PER2: variants seen among roughly 807,000 people sequenced by gnomAD.
PER2 encodes the protein period circadian protein homolog 2.
A neutral mutation model predicts 121.0 loss-of-function variants in PER2; 66 were observed. The observed-to-expected ratio is 0.55, with a 90% CI of 0.45 to 0.67. PER2 has a LOEUF of 0.67. PER2 is among the 30% of genes least tolerant of loss of function. The probability of loss-of-function intolerance (pLI) is 0.00; values close to 1 mark genes in which losing one functional copy is unlikely to be tolerated. For synonymous variants in PER2, 684 were observed against 659.9 expected, an observed-to-expected ratio of 1.04 and a Z score of -0.56; for missense variants, 1,521 against 1,635.0, an observed-to-expected ratio of 0.93 and a Z score of 1.20.
chr2:238,276,740 C>T (rs1696466586), intron 3 of PER2, among the ~76,000 whole-genome samples: 1 of 152,122 alleles, frequency 6.6e-6, no homozygotes, highest in African/African-American at 2.4e-5. Context: ...GTTTCTCAGG[C>T]AATGCAAAGT....
chr2:238,251,648 C>T lies in PER2; in HGVS notation c.3225G>A (p.Glu1075=), dbSNP rs1301193813. 6.2e-7 allele frequency: 1 copy of T among 1,614,248 alleles called. No individual in the cohort carries two copies. Among genetic ancestry groups the T allele is most frequent in the Non-Finnish European group, 8.5e-7 (1 of 1,180,044 alleles). The change falls in exon 20 of 23, where the codon GAG becomes GAA. Residue 1075 remains glutamate (E), a synonymous_variant. Transcript: ENST00000254657. The stretch of plus-strand genomic sequence containing the variant: ...AGCCCAGTGAGCCGGAGCCCAGAGA[C>T]TCCGAAGCAGCAGAGCCCGAGGCTG... ...LCSASGSAAS[E]SLGSGSLGCD...
the PER2 span, chr2:238,299,592 A>G: frequency 6.6e-6 from 1 of 151,600 alleles, no homozygotes; most frequent in Non-Finnish European, 1.5e-5. Flanking sequence ...TAAGGGTTGA[A>G]GGCTACAAAC....
chr2:238,263,143 G>A (rs778120272), intron 9 of PER2, 85 bp from the exon 10 acceptor site: 240 of 861,912 alleles, frequency 2.8e-4, no homozygotes, highest in Non-Finnish European at 4.3e-4. Context: ...TCCCTGGAAA[G>A]AGAAGATACA....
At chr2:238,275,613 C>A in intron 4 of PER2, 130 bp downstream of exon 4, 1 of 1,017,416 alleles carries the variant, frequency 9.8e-7, no homozygotes, top group Non-Finnish European at 1.5e-6. Flanking sequence ...CGCTTAAGCC[C>A]AGAAGTCAAG....
chr2:238,252,979 G>A lies in PER2; in HGVS notation c.3044C>T (p.Thr1015Ile), dbSNP rs766845622. ...TTTGCAGTCCGCCCCTACAGCTGCT[G>A]TCTCTGTGGCCCCTGTGGTCCCCAT... is the stretch of plus-strand genomic sequence containing the variant. Reference protein sequence around the residue: ...GAMGTTGATETAAVGADCKPG... With the variant: ...GAMGTTGATEIAAVGADCKPG... The change falls in exon 19 of 23, where the codon ACA (threonine) becomes ATA (isoleucine). Residue 1015 changes from threonine to isoleucine, a missense_variant. By Grantham distance (89) the Thr-to-Ile change is moderately conservative. Coordinates refer to ENST00000254657, the MANE Select transcript of PER2 (RefSeq NM_022817.3). The surrounding 1 kb of genome is among the most constrained non-coding windows in gnomAD (Gnocchi z 4.2). 1 of 1,614,028 alleles carries A rather than the reference G, an allele frequency of 6.2e-7. No individual in the cohort carries two copies. The highest frequency in any genetic ancestry group is 8.5e-7 in the Non-Finnish European group (1 of 1,180,040).
intron 9 of PER2, among the ~76,000 whole-genome samples, chr2:238,265,162 G>A (rs1696054616): frequency 1.3e-5 from 2 of 152,212 alleles, no homozygotes; most frequent in South Asian, 4.1e-4. Flanking sequence ...CACACAGGCT[G>A]GAAGATAGAC....
chr2:238,285,163 C>G (rs1307035292), intron 1 of PER2, among the ~76,000 whole-genome samples: 1 of 152,274 alleles, frequency 6.6e-6, no homozygotes, highest in Non-Finnish European at 1.5e-5. Flanking sequence ...GCATGTCCGC[C>G]TACTGGCTCT....
At chr2:238,262,408 G>A in intron 10 of PER2, 64 bp from the exon 11 acceptor site, 1 of 1,529,212 alleles carries the variant, frequency 6.5e-7, no homozygotes, top group Non-Finnish European at 9.1e-7. Context: ...AGTAGAGAGA[G>A]ACAAGTCAAG....
chr2:238,291,719 C>T (rs75509863), upstream of PER2, among the ~76,000 whole-genome samples: 16,674 of 152,172 alleles, frequency 0.11, 1,210 homozygotes, highest in Admixed American at 0.17. Flanking sequence ...TACGGCTGAC[C>T]CCAGCTTGGC....
At chr2:238,288,913 C>T (rs1442440534), upstream of PER2, among the ~76,000 whole-genome samples, 3 of 152,310 alleles carry the variant, frequency 2.0e-5, no homozygotes, top group South Asian at 4.1e-4. Flanking sequence ...CCATTGGTGG[C>T]CGCGCCCGTC....
chr2:238,258,401 C>G lies in PER2; in HGVS notation c.1776-1G>C. 1.2e-6 allele frequency: 2 copies of G among 1,614,170 alleles called. No homozygotes were observed. The highest frequency in any genetic ancestry group is 1.7e-6 in the Non-Finnish European group (2 of 1,180,030). On this transcript the variant is annotated splice_acceptor_variant, in intron 15 of 22. Transcript: ENST00000254657. LOFTEE classifies it high-confidence loss of function. The stretch of plus-strand genomic sequence containing the variant: ...AGCCTCATTGCAGCTCTCCAAGTAC[C>G]TGTGTGAAAGGCATGAACCACTGGT...
chr2:238,289,905 G>A (rs1475854057), upstream of PER2: 1 of 152,286 alleles, frequency 6.6e-6, no homozygotes, highest in African/African-American at 2.4e-5. Context: ...TTACAGGACA[G>A]GAAGGAGCTT....
rs144381022 is a variant in PER2, at chr2:238,254,289, C to T, written c.2321-587G>A. 68 of 160,298 alleles carry T rather than the reference C, an allele frequency of 4.2e-4. No homozygotes were observed. The East Asian group carries it at 6.8e-3, about 16-fold the overall frequency. 9.9% of individuals were successfully genotyped at this position (160,298 alleles called of 1,614,324 possible). A position where few individuals can be genotyped will look rare whatever the true frequency, so the allele number is the denominator to read the frequency against. ...CATTCTTCAGGAAGATGGAGGGACT[C>T]AATTGGTAAAGGAGGGACTCTGGGT... On this transcript the variant is annotated intron_variant, in intron 18 of 22. Coordinates refer to ENST00000254657, the MANE Select transcript of PER2 (RefSeq NM_022817.3).
chr2:238,267,917 T>C, intron 8 of PER2, 139 bp downstream of exon 8: 2 of 901,632 alleles, frequency 2.2e-6, no homozygotes, highest in South Asian at 1.4e-5. Context: ...ATGGAGACCC[T>C]GCCCAAGGTG....
Position 238,268,616 on chromosome 2 carries a change from C to G in PER2, c.824+307G>C, listed in dbSNP as rs796302169. On this transcript the variant is annotated intron_variant, in intron 7 of 22. Transcript: ENST00000254657. The surrounding 1 kb of genome is among the most constrained non-coding windows in gnomAD (Gnocchi z 4.0). ...AGCTACGGGTCTCTCCCCAGAAAAA[C>G]GCACAGACAACCAAAAGACGCAGTG... is the stretch of plus-strand genomic sequence containing the variant. Among the ~76,000 whole-genome samples the G allele has an allele frequency of 2.6e-5, 4 of 152,204 alleles. No individual in the cohort carries two copies. The highest frequency in any genetic ancestry group is 5.9e-5 in the Non-Finnish European group (4 of 68,038).
In PER2 at chr2:238,275,741, A is replaced by T. The variant is rs1456712484; in HGVS notation, c.448+2T>A. On this transcript the variant is annotated splice_donor_variant, in intron 4 of 22. Coordinates refer to ENST00000254657, the MANE Select transcript of PER2 (RefSeq NM_022817.3). LOFTEE classifies it high-confidence loss of function. ...TGGAGCAGATGTGCGAGGCCGACGT[A>T]CCTTTCACCTGCTTCACGCTCCTGA... is the stretch of plus-strand genomic sequence containing the variant. The T allele has an allele frequency of 2.5e-6, 4 of 1,613,766 alleles. No individual in the cohort carries two copies. The highest frequency in any genetic ancestry group is 1.3e-5 in the African/African-American group (1 of 74,934).
At chr2:238,260,740 A>G in intron 13 of PER2, 88 bp downstream of exon 13, 2 of 1,491,776 alleles carry the variant, frequency 1.3e-6, no homozygotes, top group Non-Finnish European at 9.3e-7. Flanking sequence ...GCCCCTCCTA[A>G]CTGCCAAAGG....
chr2:238,292,347 A>T (rs893780411), upstream of PER2, among the ~76,000 whole-genome samples: 1 of 152,208 alleles, frequency 6.6e-6, no homozygotes, highest in African/African-American at 2.4e-5. Context: ...GCCATCCACG[A>T]TGGGTGTGCA....
chr2:238,277,817 T>C lies in PER2; in HGVS notation c.120A>G (p.Gly40=), dbSNP rs1309428915. ...EDVDMSSGSS[G]HETNENCSTG... ...TGGAGCAGTTTTCGTTGGTCTCATG[T>C]CCACTGGAGCCACTGCTCATGTCCA... is the stretch of plus-strand genomic sequence containing the variant. Residue 40 remains glycine, a synonymous_variant, in exon 2 of 23, where the codon GGA becomes GGG. Transcript: ENST00000254657. 2 of 1,614,106 alleles carry C rather than the reference T, an allele frequency of 1.2e-6. No individual in the cohort carries two copies. The highest frequency in any genetic ancestry group is 1.7e-6 in the Non-Finnish European group (2 of 1,180,042).
Sources: gnomAD v4.1 joint callset for allele counts (sites outside exome capture counted in the v4.1 genomes callset) on GRCh38, gnomAD v4.1.1 for gene constraint, Gnocchi (gnomAD v3.1) non-coding constraint, MANE v1.5 for transcripts, NCBI Gene and HGNC (gene_info 2026-07-23, HGNC 2026-07-21) for gene names.